Variants in DSE observed in about 807,000 individuals in gnomAD.
DSE encodes the protein dermatan-sulfate epimerase.
A neutral mutation model predicts 84.4 loss-of-function variants in DSE; 36 were observed. That is an observed-to-expected ratio of 0.43 (90% CI 0.33 to 0.56). DSE has a LOEUF of 0.56. DSE is among the 20% of genes least tolerant of loss of function. The pLI is 0.06. For missense variants in DSE, 862 were observed against 1,169.6 expected (o/e 0.74, Z 3.84); for synonymous variants, 410 against 430.1 (o/e 0.95, Z 0.58).
intron 2 of DSE, among the ~76,000 whole-genome samples, chr6:116,418,944 G>C (rs918109411): frequency 6.6e-6 from 1 of 152,216 alleles, no homozygotes; most frequent in African/African-American, 2.4e-5. Context: ...AATGTACTTA[G>C]AGGCTTGGGC....
intron 2 of DSE, among the ~76,000 whole-genome samples, chr6:116,406,819 A>G (rs1781959928): frequency 6.6e-6 from 1 of 152,184 alleles, no homozygotes; most frequent in African/African-American, 2.4e-5. Context: ...AGTTCTGGAC[A>G]GCACAGGAGG....
chr6:116,283,128 AC>A (rs1773648622), intron 2 of DSE, among the ~76,000 whole-genome samples: 1 of 152,216 alleles, frequency 6.6e-6, no homozygotes, highest in African/African-American at 2.4e-5. Context: ...TCTAAGACTT[AC>A]CAAAAACCTG....
At chr6:116,337,614 AAAAT>A (rs1174115408) in intron 2 of DSE, among the ~76,000 whole-genome samples, 2 of 152,334 alleles carry the variant, frequency 1.3e-5, no homozygotes, top group East Asian at 1.9e-4. Context: ...TCCATCTCAA[AAAAT>A]AAATAAATGA....
intron 1 of DSE, among the ~76,000 whole-genome samples, chr6:116,386,480 A>G (rs1780584067): frequency 1.3e-5 from 2 of 152,274 alleles, no homozygotes; most frequent in Admixed American, 1.3e-4. Context: ...CCCAGGAGAA[A>G]ACAGGCATAA....
intron 2 of DSE, among the ~76,000 whole-genome samples, chr6:116,291,039 A>G (rs1450384107): frequency 1.3e-5 from 2 of 152,114 alleles, no homozygotes; most frequent in Non-Finnish European, 2.9e-5. Context: ...TTCTTTCCAA[A>G]CTCTCTAAAT....
chr6:116,272,972 A>G (rs554398932), intron 2 of DSE, among the ~76,000 whole-genome samples: 13 of 152,326 alleles, frequency 8.5e-5, no homozygotes, highest in Non-Finnish European at 1.3e-4. Context: ...TAAGCTCTCA[A>G]ATGTTTCTGT....
chr6:116,436,974 A>G lies in DSE; in HGVS notation c.2506A>G (p.Ile836Val). The G allele has an allele frequency of 6.2e-7, 1 of 1,614,040 alleles. No homozygotes were observed. Among genetic ancestry groups the G allele is most frequent in the Non-Finnish European group, 8.5e-7 (1 of 1,180,002 alleles). The change falls in exon 6 of 6, where the codon ATT becomes GTT. Residue 836 changes from isoleucine (I) to valine (V), a missense_variant. Ile to Val is a conservative substitution (Grantham distance 29). Transcript: ENST00000644252. ...FAQIEVNEKKIRQKAQILAQK... is the reference protein window; with the variant it reads ...FAQIEVNEKKVRQKAQILAQK... ...ACAGATTGAAGTCAATGAGAAAAAG[A>G]TTAGACAGAAAGCTCAGATTTTGGC...
At chr6:116,352,935 T>C (rs1778386902) in intron 2 of DSE, among the ~76,000 whole-genome samples, 1 of 152,102 alleles carries the variant, frequency 6.6e-6, no homozygotes, top group Admixed American at 6.5e-5. Context: ...TCTCTCTCTT[T>C]CTCTCTTCCA....
intron 1 of DSE, among the ~76,000 whole-genome samples, chr6:116,372,118 T>C (rs1267562792): frequency 6.6e-6 from 1 of 152,244 alleles, no homozygotes; most frequent in Non-Finnish European, 1.5e-5. Flanking sequence ...CTTATACATA[T>C]TTTTAGTATT....
At chr6:116,376,271 C>T (rs1254328007) in intron 1 of DSE, among the ~76,000 whole-genome samples, 3 of 152,182 alleles carry the variant, frequency 2.0e-5, no homozygotes, top group African/African-American at 4.8e-5. Flanking sequence ...AGCCCTGGGC[C>T]GATTGCTCAG....
chr6:116,406,938 G>A (rs1051975769), intron 2 of DSE, among the ~76,000 whole-genome samples: 1 of 152,110 alleles, frequency 6.6e-6, no homozygotes, highest in Non-Finnish European at 1.5e-5. Context: ...AAAAAGAAAC[G>A]GTTAGAAGCT....
At chr6:116,407,614 G>A (rs868194864) in intron 2 of DSE, among the ~76,000 whole-genome samples, 13 of 152,188 alleles carry the variant, frequency 8.5e-5, no homozygotes, top group Middle Eastern at 3.4e-3. Flanking sequence ...CTTCACTGCT[G>A]CTACTATGCT....
At chr6:116,435,524 C>A in intron 5 of DSE, 63 bp from the exon 6 acceptor site, 1 of 1,485,170 alleles carries the variant, frequency 6.7e-7, no homozygotes, top group South Asian at 1.4e-5. Flanking sequence ...TTCCACATTA[C>A]CATGTTATGT....
chr6:116,297,750 T>A (rs1436605007), intron 2 of DSE, among the ~76,000 whole-genome samples: 4 of 152,226 alleles, frequency 2.6e-5, no homozygotes, highest in African/African-American at 7.2e-5. Context: ...AAGTGATTTC[T>A]AGAAAGAGGT....
chr6:116,335,019 A>T (rs1262425583), intron 2 of DSE, among the ~76,000 whole-genome samples: 1 of 152,216 alleles, frequency 6.6e-6, no homozygotes, highest in Non-Finnish European at 1.5e-5. Flanking sequence ...TGGCCTCATT[A>T]CTGTATATAT....
At chr6:116,308,838 C>A (rs1775500812) in intron 2 of DSE, among the ~76,000 whole-genome samples, 1 of 152,008 alleles carries the variant, frequency 6.6e-6, no homozygotes, top group Non-Finnish European at 1.5e-5. Flanking sequence ...CCACCATGCC[C>A]AGCTAATTTT....
chr6:116,414,049 G>A (rs544097833), intron 2 of DSE, among the ~76,000 whole-genome samples: 1 of 152,348 alleles, frequency 6.6e-6, no homozygotes, highest in Non-Finnish European at 1.5e-5. Flanking sequence ...GGGAGTGTAC[G>A]AGGTGGCAGC....
chr6:116,414,604 G>T (rs1214978725), intron 2 of DSE, among the ~76,000 whole-genome samples: 2 of 152,082 alleles, frequency 1.3e-5, no homozygotes, highest in Non-Finnish European at 2.9e-5. Flanking sequence ...TAGAGATGGG[G>T]TTTCTGCATG....
At chr6:116,312,143 A>G (rs1775730213) in intron 2 of DSE, among the ~76,000 whole-genome samples, 1 of 152,190 alleles carries the variant, frequency 6.6e-6, no homozygotes, top group East Asian at 1.9e-4. Context: ...TGATTTTGCA[A>G]AAGAGTGGAT....
Sources: allele counts gnomAD v4.1 joint callset (sites outside exome capture counted in the v4.1 genomes callset), GRCh38; gene constraint gnomAD v4.1.1; transcripts MANE v1.5; gene names NCBI Gene and HGNC (gene_info 2026-07-23, HGNC 2026-07-21).